ULK4: variants seen among roughly 807,000 people sequenced by gnomAD.
ULK4 encodes inactive serine/threonine-protein kinase ULK4.
Under a neutral mutation model 160.6 loss-of-function variants are expected in ULK4, and 133 were observed. The ratio of observed to expected loss-of-function variants is 0.83; its 90% CI spans 0.72 to 0.96. ULK4 has a LOEUF of 0.96. ULK4 is among the 40% of genes least tolerant of loss of function. ULK4 has a pLI of 0.00. For synonymous variants in ULK4, 534 were observed against 539.8 expected (o/e 0.99, Z 0.15); for missense variants, 1,580 against 1,499.5 (o/e 1.05, Z -0.89).
intron 34 of ULK4, among the ~76,000 whole-genome samples, chr3:41,419,615 T>C (rs1054922200): frequency 3.9e-5 from 6 of 152,130 alleles, no homozygotes; most frequent in Non-Finnish European, 8.8e-5. Flanking sequence ...AACCTCACCA[T>C]TTCTACCACC....
At position 41,912,841 on chromosome 3, in the gene ULK4, C is replaced by T. The variant is rs188518476; in HGVS notation, c.862G>A (p.Asp288Asn). Residue 288 changes from aspartate to asparagine, a missense_variant, in exon 9 of 37, where the codon GAT becomes AAT. Transcript: ENST00000301831. Reference protein sequence around the residue: ...SFWKKAFAGADQESSVEDLSL... With the variant: ...SFWKKAFAGANQESSVEDLSL... ...AGATCTTCGACGCTTGATTCCTGATCTGCTCCAGCAAAAGCTTTCTTCCAA... is the reference window on the plus strand; with the variant it reads ...AGATCTTCGACGCTTGATTCCTGATTTGCTCCAGCAAAAGCTTTCTTCCAA... 115 of 1,614,142 alleles carry T rather than the reference C, an allele frequency of 7.1e-5. 1 individual carries two copies. In the African/African-American group the frequency reaches 1.4e-3, roughly 20 times the overall value.
intron 31 of ULK4, among the ~76,000 whole-genome samples, chr3:41,606,216 C>G (rs2032378337): frequency 6.6e-6 from 1 of 151,580 alleles, no homozygotes; most frequent in Non-Finnish European, 1.5e-5. Context: ...AAAAATGAAA[C>G]CCAAAGGAAA....
intron 35 of ULK4, among the ~76,000 whole-genome samples, chr3:41,350,811 G>C (rs2080894894): frequency 6.6e-6 from 1 of 152,144 alleles, no homozygotes; most frequent in African/African-American, 2.4e-5. Context: ...TTTCTTTTTG[G>C]AGAGAAATTA....
chr3:41,738,257 C>A (rs2038123363), intron 22 of ULK4, among the ~76,000 whole-genome samples: 1 of 151,874 alleles, frequency 6.6e-6, no homozygotes. Context: ...GTTGCAGCTG[C>A]AATTTAAGAT....
rs2082813508 is a variant in ULK4, at chr3:41,427,911, T to C, written c.3492+27586A>G. ...CTCTTATTCAGCATAGTACTAGAAG[T>C]TCTGGCCAGGGCAATCAAGCAAGAG... On this transcript the variant is annotated intron_variant, in intron 34 of 36. Coordinates refer to ENST00000301831, the MANE Select transcript of ULK4 (RefSeq NM_017886.4). Among the ~76,000 whole-genome samples, 7 of 152,104 alleles carry C rather than the reference T, an allele frequency of 4.6e-5. No homozygotes were observed. In the South Asian group the frequency reaches 1.5e-3, roughly 32 times the overall value.
At chr3:41,637,718 C>T (rs1169029969) in intron 30 of ULK4, among the ~76,000 whole-genome samples, 3 of 152,090 alleles carry the variant, frequency 2.0e-5, no homozygotes, top group Admixed American at 2.0e-4. Flanking sequence ...TTTCATTTTT[C>T]GGATCATAGC....
chr3:41,322,766 C>T (rs1162921895), intron 35 of ULK4, among the ~76,000 whole-genome samples: 1 of 152,200 alleles, frequency 6.6e-6, no homozygotes, highest in Non-Finnish European at 1.5e-5. Flanking sequence ...AATATTTTTA[C>T]TTCGCTCAAA....
intron 20 of ULK4, among the ~76,000 whole-genome samples, chr3:41,799,487 GA>G (rs1182026027): frequency 6.6e-6 from 1 of 152,108 alleles, no homozygotes; most frequent in Non-Finnish European, 1.5e-5. Context: ...TGCTAACAGG[GA>G]AAAGTCAGGG....
intron 27 of ULK4, among the ~76,000 whole-genome samples, chr3:41,702,071 G>T (rs1347960324): frequency 1.3e-5 from 2 of 152,138 alleles, no homozygotes; most frequent in Non-Finnish European, 2.9e-5. Context: ...CAATTACAGT[G>T]TGTAAATGAA....
At chr3:41,467,672 C>CT (rs2083869363) in intron 32 of ULK4, among the ~76,000 whole-genome samples, 1 of 151,634 alleles carries the variant, frequency 6.6e-6, no homozygotes, top group Non-Finnish European at 1.5e-5. Flanking sequence ...ATAGATGAAT[C>CT]TCAAAAAAAA....
chr3:41,782,564 TAG>T (rs1390685698), intron 21 of ULK4, among the ~76,000 whole-genome samples: 1 of 152,194 alleles, frequency 6.6e-6, no homozygotes, highest in Admixed American at 6.6e-5. Flanking sequence ...TCAAAAGATA[TAG>T]AGACTGTAAT....
Position 41,703,873 on chromosome 3 carries a change from C to CACAA in ULK4, c.2781+1180_2781+1183dup, listed in dbSNP as rs1553636727. On this transcript the variant is annotated intron_variant, in intron 27 of 36. Coordinates refer to ENST00000301831, the MANE Select transcript of ULK4 (RefSeq NM_017886.4). ...ACACACACACACACACACACACACA[C>CACAA]ACAAGTTAACTGTGTTTGAAGGGTG... Among the ~76,000 whole-genome samples the CACAA allele has an allele frequency of 6.1e-3, 803 of 130,588 alleles. 22 individuals are homozygous for CACAA. The highest frequency in any genetic ancestry group is 0.026 in the African/African-American group (734 of 27,832). 85.7% of individuals were successfully genotyped at this position (130,588 alleles called of 152,430 possible). A position where few individuals can be genotyped will look rare whatever the true frequency, so the allele number is the denominator to read the frequency against.
chr3:41,678,311 A>C (rs940560524), intron 29 of ULK4, among the ~76,000 whole-genome samples: 3 of 152,028 alleles, frequency 2.0e-5, no homozygotes, highest in African/African-American at 7.2e-5. Flanking sequence ...ATTACACAGC[A>C]GTTCTGATAA....
intron 30 of ULK4, among the ~76,000 whole-genome samples, chr3:41,624,678 TAAAA>T (rs2033411979): frequency 6.6e-6 from 1 of 152,104 alleles, no homozygotes. Context: ...CCTGGGTAAA[TAAAA>T]AGAGAATTCA....
intron 5 of ULK4, among the ~76,000 whole-genome samples, chr3:41,926,400 AC>A (rs149109311): frequency 1.3e-5 from 2 of 152,174 alleles, no homozygotes; most frequent in African/African-American, 4.8e-5. Context: ...AGAAACCAGC[AC>A]AAAAACGCTG....
intron 16 of ULK4, among the ~76,000 whole-genome samples, chr3:41,889,426 G>A (rs574197633): frequency 1.3e-5 from 2 of 152,190 alleles, no homozygotes; most frequent in Non-Finnish European, 2.9e-5. Context: ...TAAAATGAGT[G>A]GGGATAAATA....
intron 17 of ULK4, among the ~76,000 whole-genome samples, chr3:41,843,738 G>T (rs2041994317): frequency 6.6e-6 from 1 of 152,162 alleles, no homozygotes; most frequent in African/African-American, 2.4e-5. Context: ...CCACAGTGTG[G>T]AAGGGGACCC....
chr3:41,801,100 C>G (rs2040445156), intron 19 of ULK4, among the ~76,000 whole-genome samples: 1 of 152,040 alleles, frequency 6.6e-6, no homozygotes, highest in Admixed American at 6.6e-5. Flanking sequence ...AGTCCACATA[C>G]TCAAGAAGGA....
At chr3:41,484,598 G>T (rs1005303053) in intron 32 of ULK4, among the ~76,000 whole-genome samples, 9 of 151,892 alleles carry the variant, frequency 5.9e-5, no homozygotes, top group Admixed American at 1.3e-4. Context: ...GACTACAGGC[G>T]CCCGCCACCA....
Sources: gnomAD v4.1 joint callset for allele counts (sites outside exome capture counted in the v4.1 genomes callset) on GRCh38, gnomAD v4.1.1 for gene constraint, MANE v1.5 for transcripts, NCBI Gene and HGNC (gene_info 2026-07-23, HGNC 2026-07-21) for gene names.